The following KCTD8 variants were observed in gnomAD, a reference collection of about 807,000 sequenced individuals.
KCTD8 encodes potassium channel tetramerization domain containing 8, also known as BTB/POZ domain-containing protein KCTD8.
KCTD8 carries 27 observed loss-of-function variants against 31.5 expected under a neutral mutation model. The ratio of observed to expected loss-of-function variants is 0.86; its 90% CI spans 0.63 to 1.18. KCTD8 has a LOEUF of 1.18. Ranked by LOEUF, KCTD8 falls within the 50% of genes most tolerant of loss-of-function variation. KCTD8 has a pLI of 0.00. For missense variants in KCTD8, 658 were observed against 647.7 expected (o/e 1.02, Z -0.17); for synonymous variants, 290 against 280.0 (o/e 1.04, Z -0.36).
intron 1 of KCTD8, among the ~76,000 whole-genome samples, chr4:44,268,006 C>T (rs1004156118): frequency 2.0e-5 from 3 of 152,070 alleles, no homozygotes; most frequent in Non-Finnish European, 4.4e-5. Context: ...CTATTCCAAT[C>T]AATAGAAAAA....
chr4:44,314,479 T>A (rs1377871116), intron 1 of KCTD8, among the ~76,000 whole-genome samples: 1 of 152,116 alleles, frequency 6.6e-6, no homozygotes, highest in Non-Finnish European at 1.5e-5. Context: ...ATATTTTATT[T>A]CCCTAATTAC....
intron 1 of KCTD8, among the ~76,000 whole-genome samples, chr4:44,385,980 T>C (rs1720200914): frequency 1.3e-5 from 2 of 151,376 alleles, no homozygotes; most frequent in South Asian, 2.1e-4. Flanking sequence ...ACTAAAAAAA[T>C]GCAAATCAAA....
chr4:44,430,511 T>C (rs1483832719), intron 1 of KCTD8, among the ~76,000 whole-genome samples: 2 of 151,666 alleles, frequency 1.3e-5, no homozygotes. Context: ...GAAGCAAATA[T>C]GTGTACATAG....
chr4:44,230,536 A>G (rs968349154), intron 1 of KCTD8, among the ~76,000 whole-genome samples: 4 of 152,314 alleles, frequency 2.6e-5, no homozygotes, highest in Middle Eastern at 6.8e-3. Context: ...CATCTTTTTT[A>G]CAAAGCCATG....
intron 1 of KCTD8, among the ~76,000 whole-genome samples, chr4:44,224,656 A>G (rs923601675): frequency 2.0e-5 from 3 of 152,218 alleles, no homozygotes; most frequent in African/African-American, 7.2e-5. Flanking sequence ...TGTGTTTGTT[A>G]GGATAATGTC....
intron 1 of KCTD8, among the ~76,000 whole-genome samples, chr4:44,215,936 A>T (rs1577835152): frequency 6.6e-6 from 1 of 152,174 alleles, no homozygotes; most frequent in East Asian, 1.9e-4. Flanking sequence ...CCTAAAGGCT[A>T]AAAATATGGT....
At chr4:44,404,170 A>G (rs1720731068) in intron 1 of KCTD8, among the ~76,000 whole-genome samples, 1 of 152,182 alleles carries the variant, frequency 6.6e-6, no homozygotes, top group Non-Finnish European at 1.5e-5. Flanking sequence ...ACTCCATTTT[A>G]ACACAAAATA....
rs549498425 is a variant in KCTD8, at chr4:44,412,899, A to G, written c.961+34664T>C. ...GTTATTCAAAGAGTCGTTCCAAAAC[A>G]CAGAATAAAACAGACATTTTTCTCT... On this transcript the variant is annotated intron_variant, in intron 1 of 1. Coordinates refer to ENST00000360029, the MANE Select transcript of KCTD8 (RefSeq NM_198353.3). 4.3e-4 allele frequency among the ~76,000 whole-genome samples: 65 copies of G among 152,288 alleles called. No individual in the cohort carries two copies. The South Asian group carries it at 0.013, about 30-fold the overall frequency.
At chr4:44,190,498 C>G (rs1036765352) in intron 1 of KCTD8, among the ~76,000 whole-genome samples, 5 of 152,120 alleles carry the variant, frequency 3.3e-5, no homozygotes, top group African/African-American at 7.2e-5. Context: ...ATATGACAGA[C>G]CCTAATCGCC....
chr4:44,225,491 C>T (rs1204834053), intron 1 of KCTD8, among the ~76,000 whole-genome samples: 2 of 152,102 alleles, frequency 1.3e-5, no homozygotes, highest in African/African-American at 4.8e-5. Flanking sequence ...GGAGTATAAG[C>T]CTGAAATATT....
At chr4:44,265,921 T>C (rs971719082) in intron 1 of KCTD8, among the ~76,000 whole-genome samples, 6 of 152,154 alleles carry the variant, frequency 3.9e-5, no homozygotes, top group African/African-American at 1.2e-4. Context: ...ATCTGATTGG[T>C]GTACCTGAAA....
chr4:44,349,591 G>C (rs1003909643), intron 1 of KCTD8, among the ~76,000 whole-genome samples: 2 of 152,142 alleles, frequency 1.3e-5, no homozygotes, highest in Non-Finnish European at 2.9e-5. Context: ...ACAACTTACA[G>C]CTCACCAGCA....
chr4:44,330,631 A>T (rs1718570030), intron 1 of KCTD8, among the ~76,000 whole-genome samples: 1 of 152,008 alleles, frequency 6.6e-6, no homozygotes, highest in South Asian at 2.1e-4. Flanking sequence ...TCTGACAATT[A>T]CCACAGGTGT....
chr4:44,261,944 G>C (rs970311674), intron 1 of KCTD8, among the ~76,000 whole-genome samples: 1 of 152,002 alleles, frequency 6.6e-6, no homozygotes, highest in African/African-American at 2.4e-5. Flanking sequence ...TAAAATAAGA[G>C]AGGAGAGGCC....
chr4:44,227,908 C>T (rs1715010690), intron 1 of KCTD8, among the ~76,000 whole-genome samples: 1 of 152,150 alleles, frequency 6.6e-6, no homozygotes, highest in Non-Finnish European at 1.5e-5. Flanking sequence ...ATTTCATACT[C>T]CTGTCATTCT....
intron 1 of KCTD8, among the ~76,000 whole-genome samples, chr4:44,306,197 T>A (rs1236702124): frequency 6.6e-6 from 1 of 151,772 alleles, no homozygotes; most frequent in Non-Finnish European, 1.5e-5. Flanking sequence ...AAATAGAAAA[T>A]GAAGACAAAA....
At chr4:44,426,867 G>C (rs952926200) in intron 1 of KCTD8, among the ~76,000 whole-genome samples, 2 of 151,520 alleles carry the variant, frequency 1.3e-5, no homozygotes, top group Non-Finnish European at 3.0e-5. Flanking sequence ...GGTAAAGATA[G>C]TAAAAAAATT....
At chr4:44,183,135 T>C (rs1015743094) in intron 1 of KCTD8, among the ~76,000 whole-genome samples, 1 of 152,214 alleles carries the variant, frequency 6.6e-6, no homozygotes. Context: ...ACAGGTCTCT[T>C]AGTTTCTTGT....
chr4:44,379,418 C>A (rs1317542386), intron 1 of KCTD8, among the ~76,000 whole-genome samples: 1 of 152,044 alleles, frequency 6.6e-6, no homozygotes, highest in South Asian at 2.1e-4. Flanking sequence ...ACTACTGAGA[C>A]CTATTATTAG....
Sources: gnomAD v4.1 joint callset for allele counts (sites outside exome capture counted in the v4.1 genomes callset) on GRCh38, gnomAD v4.1.1 for gene constraint, MANE v1.5 for transcripts, NCBI Gene and HGNC (gene_info 2026-07-23, HGNC 2026-07-21) for gene names.